The following PLA1A variants were observed in gnomAD, a reference collection of about 807,000 sequenced individuals.
PLA1A encodes the protein phosphatidylserine-specific phospholipase A1alpha.
Under a neutral mutation model 49.4 loss-of-function variants are expected in PLA1A, and 47 were observed. The ratio of observed to expected loss-of-function variants is 0.95; its 90% CI spans 0.75 to 1.21. The LOEUF (loss-of-function observed/expected upper bound fraction) is 1.21. PLA1A is among the 50% of genes most tolerant of loss of function. The probability of loss-of-function intolerance (pLI) is 0.00; values close to 1 mark genes in which losing one functional copy is unlikely to be tolerated. For synonymous variants in PLA1A, 224 were observed against 207.9 expected, an observed-to-expected ratio of 1.08 and a Z score of -0.67; for missense variants, 561 against 563.9, an observed-to-expected ratio of 0.99 and a Z score of 0.05.
intron 5 of PLA1A, 29 bp from the exon 6 acceptor site, chr3:119,615,983 G>A (rs2082842547): frequency 6.9e-7 from 1 of 1,459,274 alleles, no homozygotes; most frequent in African/African-American, 1.4e-5. Context: ...CTGAAGTAAG[G>A]AAGTTAATGG....
intron 1 of PLA1A, among the ~76,000 whole-genome samples, chr3:119,602,208 T>A (rs1205109352): frequency 6.6e-6 from 1 of 152,236 alleles, no homozygotes; most frequent in Non-Finnish European, 1.5e-5. Flanking sequence ...TCCCATTTTC[T>A]ATTCCTGGAA....
At chr3:119,623,702 G>A (rs2082976259) in intron 8 of PLA1A, among the ~76,000 whole-genome samples, 2 of 146,192 alleles carry the variant, frequency 1.4e-5, no homozygotes, top group Non-Finnish European at 3.0e-5. Flanking sequence ...TATTTAATGA[G>A]TTAATTCTCT....
chr3:119,628,009 G>GT (rs111370741), intron 9 of PLA1A, among the ~76,000 whole-genome samples: 1 of 152,112 alleles, frequency 6.6e-6, no homozygotes, highest in African/African-American at 2.4e-5. Context: ...AGGGAATCTG[G>GT]GGGGGCAAAG....
intron 9 of PLA1A, 61 bp from the exon 10 acceptor site, chr3:119,628,640 A>C: frequency 6.6e-7 from 1 of 1,515,438 alleles, no homozygotes; most frequent in Non-Finnish European, 9.1e-7. Flanking sequence ...TCGGAGCCAA[A>C]GGGGAAGTAC....
chr3:119,621,188 C>T (rs2082924352), intron 8 of PLA1A, among the ~76,000 whole-genome samples: 1 of 152,150 alleles, frequency 6.6e-6, no homozygotes, highest in Non-Finnish European at 1.5e-5. Flanking sequence ...AAGAATATAC[C>T]CAGCAGGAAA....
intron 8 of PLA1A, among the ~76,000 whole-genome samples, chr3:119,623,586 G>T (rs748799039): frequency 2.6e-5 from 4 of 152,196 alleles, no homozygotes; most frequent in Non-Finnish European, 5.9e-5. Context: ...GGAGAGTCTG[G>T]ATGCCACATA....
intron 8 of PLA1A, among the ~76,000 whole-genome samples, 165 bp downstream of exon 8, chr3:119,619,817 G>A (rs1022279075): frequency 9.2e-5 from 14 of 152,196 alleles, no homozygotes; most frequent in Admixed American, 6.5e-4. Context: ...GAGTCCAACC[G>A]ATTGCTCTTC....
At chr3:119,622,958 C>A (rs767745084) in intron 8 of PLA1A, among the ~76,000 whole-genome samples, 3 of 152,132 alleles carry the variant, frequency 2.0e-5, no homozygotes, top group African/African-American at 4.8e-5. Context: ...TCCCGAGTAG[C>A]TGGGACTACA....
intron 8 of PLA1A, among the ~76,000 whole-genome samples, chr3:119,624,877 C>T (rs908575737): frequency 2.0e-5 from 3 of 152,318 alleles, no homozygotes; most frequent in East Asian, 1.9e-4. Flanking sequence ...GTGATCCACT[C>T]GCCTCGGCCT....
intron 1 of PLA1A, among the ~76,000 whole-genome samples, chr3:119,603,492 C>T (rs1023455374): frequency 6.6e-6 from 1 of 152,156 alleles, no homozygotes; most frequent in Non-Finnish European, 1.5e-5. Context: ...TCAATTTCAA[C>T]TATTACCTTT....
At chr3:119,607,772 A>G (rs897255311) in intron 2 of PLA1A, among the ~76,000 whole-genome samples, 2 of 152,132 alleles carry the variant, frequency 1.3e-5, no homozygotes, top group African/African-American at 2.4e-5. Flanking sequence ...TCCAAGGCTG[A>G]GTGTGTACCT....
chr3:119,607,085 C>T, intron 2 of PLA1A, 110 bp downstream of exon 2: 1 of 828,142 alleles, frequency 1.2e-6, no homozygotes, highest in South Asian at 1.5e-5. Context: ...CCAATGGCCA[C>T]ATGTTCCATC....
Position 119,616,109 on chromosome 3 carries a change from A to G in PLA1A, c.754+8A>G, listed in dbSNP as rs1394035352. ...CCACCTTCTTTTACGCAGGTCAGAA[A>G]GCCAGTACAATCTGGTATTTGGCAA... On this transcript the variant is annotated splice_region_variant and intron_variant, in intron 6 of 10. Transcript: ENST00000273371. 10 of 1,593,190 alleles carry G rather than the reference A, an allele frequency of 6.3e-6. No homozygotes were observed. The highest frequency in any genetic ancestry group is 1.3e-5 in the African/African-American group (1 of 74,538).
At chr3:119,611,194 G>A (rs531268026) in intron 4 of PLA1A, among the ~76,000 whole-genome samples, 48 of 152,220 alleles carry the variant, frequency 3.2e-4, no homozygotes, top group South Asian at 1.5e-3. Flanking sequence ...TTTTGTACCA[G>A]TACCATACTG....
At chr3:119,627,257 G>T (rs2052555072) in intron 9 of PLA1A, among the ~76,000 whole-genome samples, 1 of 152,112 alleles carries the variant, frequency 6.6e-6, no homozygotes, top group African/African-American at 2.4e-5. Flanking sequence ...GGTTATGTGT[G>T]GTCTTTTTCC....
At chr3:119,611,722 T>C (rs1253835021) in intron 4 of PLA1A, among the ~76,000 whole-genome samples, 3 of 152,242 alleles carry the variant, frequency 2.0e-5, no homozygotes, top group Non-Finnish European at 4.4e-5. Context: ...CCTGAGACTT[T>C]GCTGGAGTTG....
rs768772048 is a variant in PLA1A at position 119,619,514 on chromosome 3, C to A, written c.923-49C>A. 2.3e-6 allele frequency: 3 copies of A among 1,331,368 alleles called. No individual in the cohort carries two copies. In the African/African-American group the frequency reaches 4.3e-5, roughly 19 times the overall value. The allele number at this position is 1,331,368 out of a possible 1,614,324, so 82.5% of individuals were successfully genotyped here. On this transcript the variant is annotated intron_variant, in intron 7 of 10. Coordinates refer to ENST00000273371, the MANE Select transcript of PLA1A (RefSeq NM_015900.4). Reference sequence around the variant, plus strand: ...ACACGTGGCTGGGTGCTGTGGGACCCTAAGATAGCCTTCTCAGGACTCTGC... The same window carrying A: ...ACACGTGGCTGGGTGCTGTGGGACCATAAGATAGCCTTCTCAGGACTCTGC...
At chr3:119,619,718 T>C in intron 8 of PLA1A, 66 bp downstream of exon 8, 1 of 1,100,264 alleles carries the variant, frequency 9.1e-7, no homozygotes, top group South Asian at 1.2e-5. Context: ...CAGCCCAGTG[T>C]GGTAGCCTGG....
intron 9 of PLA1A, among the ~76,000 whole-genome samples, chr3:119,627,576 G>A (rs991555138): frequency 6.6e-6 from 1 of 152,160 alleles, no homozygotes; most frequent in African/African-American, 2.4e-5. Flanking sequence ...ACCACTCTGC[G>A]AAGGCCAGAA....
Sources: gnomAD v4.1 joint callset for allele counts (sites outside exome capture counted in the v4.1 genomes callset) on GRCh38, gnomAD v4.1.1 for gene constraint, MANE v1.5 for transcripts, NCBI Gene and HGNC (gene_info 2026-07-23, HGNC 2026-07-21) for gene names.